The following CELF1 variants were observed in gnomAD, a reference collection of about 807,000 sequenced individuals.
The protein encoded by CELF1 is CUGBP Elav-like family member 1, also known as 50 kDa nuclear polyadenylated RNA-binding protein.
Under a neutral mutation model 61.8 loss-of-function variants are expected in CELF1, and 10 were observed. The ratio of observed to expected loss-of-function variants is 0.16; its 90% CI spans 0.10 to 0.27. The LOEUF (loss-of-function observed/expected upper bound fraction) is 0.27. Ranked by LOEUF, CELF1 falls within the 10% of genes least tolerant of loss-of-function variation. The pLI, the probability that CELF1 is intolerant of heterozygous loss-of-function variation, is 1.00. For synonymous variants in CELF1, 236 were observed against 225.1 expected (o/e 1.05, Z -0.43); for missense variants, 380 against 639.1 (o/e 0.59, Z 4.37).
rs1175028932 is a variant in CELF1, at chr11:47,470,368, C to T, written c.*1862G>A. On this transcript the variant is annotated 3_prime_UTR_variant, in exon 15 of 15. Coordinates refer to ENST00000687097, the MANE Select transcript of CELF1 (RefSeq NM_001376376.1). Reference sequence around the variant, plus strand: ...AAAATCCCATCATGACCCTGGAAGCCTTTAGAACAGTTTTATCCTTTGAAA... The same window carrying T: ...AAAATCCCATCATGACCCTGGAAGCTTTTAGAACAGTTTTATCCTTTGAAA... 1 of 151,350 alleles carries T rather than the reference C, an allele frequency of 6.6e-6. No individual in the cohort carries two copies. Among genetic ancestry groups the T allele is most frequent in the Admixed American group, 6.6e-5 (1 of 15,200 alleles). 9.4% of individuals were successfully genotyped at this position (151,350 alleles called of 1,614,324 possible). A position where few individuals can be genotyped will look rare whatever the true frequency, so the allele number is the denominator to read the frequency against.
intron 1 of CELF1, chr11:47,514,844 C>G (rs1455805735): frequency 6.6e-6 from 1 of 152,240 alleles, no homozygotes; most frequent in Non-Finnish European, 1.5e-5. Context: ...GCTGACAGAG[C>G]AAGACCTTGT....
In CELF1 at chr11:47,482,849, G is replaced by A; in HGVS notation, c.614C>T (p.Ser205Leu). 6.2e-7 allele frequency: 1 copy of A among 1,613,698 alleles called. No individual in the cohort carries two copies. The highest frequency in any genetic ancestry group is 8.5e-7 in the Non-Finnish European group (1 of 1,179,804). Residue 205 changes from serine to leucine, a missense_variant, in exon 9 of 15, where the codon TCA becomes TTA. Transcript: ENST00000687097. Reference sequence around the variant, plus strand: ...AGCAAATTTTACCACCATGGGTGATGAGCAACCCTGTGAAAAGACCATAAC... The same window carrying A: ...AGCAAATTTTACCACCATGGGTGATAAGCAACCCTGTGAAAAGACCATAAC... ...MHQAQTMEGC[S>L]SPMVVKFADT...
intron 1 of CELF1, among the ~76,000 whole-genome samples, chr11:47,547,625 C>T (rs1396507863): frequency 6.8e-6 from 1 of 146,074 alleles, no homozygotes; most frequent in African/African-American, 2.5e-5. Flanking sequence ...GCCGAGATCG[C>T]GCCACTGCAC....
intron 1 of CELF1, among the ~76,000 whole-genome samples, chr11:47,512,528 C>CAG (rs552283587): frequency 7.0e-4 from 102 of 146,178 alleles, no homozygotes; most frequent in African/African-American, 2.5e-3. Flanking sequence ...TTAGTAGAGA[C>CAG]AGAGTCTGGC....
At chr11:47,501,398 A>C (rs932391641) in intron 1 of CELF1, among the ~76,000 whole-genome samples, 2 of 152,208 alleles carry the variant, frequency 1.3e-5, no homozygotes, top group Non-Finnish European at 2.9e-5. Flanking sequence ...GTACATTGGA[A>C]CTGATGGCAT....
At chr11:47,473,674 G>A (rs2078695327) in intron 13 of CELF1, among the ~76,000 whole-genome samples, 1 of 152,200 alleles carries the variant, frequency 6.6e-6, no homozygotes, top group Non-Finnish European at 1.5e-5. Flanking sequence ...CTACAAAGGG[G>A]CACGAGGGAA....
chr11:47,499,819 T>G (rs1007255436), intron 2 of CELF1: 2 of 355,172 alleles, frequency 5.6e-6, no homozygotes, highest in African/African-American at 2.1e-5. Context: ...GAAGCAGTAC[T>G]AAGTGCACTG....
chr11:47,508,817 G>A (rs946075435), intron 1 of CELF1, among the ~76,000 whole-genome samples: 10 of 152,102 alleles, frequency 6.6e-5, no homozygotes, highest in Admixed American at 2.6e-4. Flanking sequence ...GTTGCCCAGG[G>A]TGGAGTGCAA....
chr11:47,557,237 G>T (rs372984998), upstream of CELF1, among the ~76,000 whole-genome samples: 843 of 142,160 alleles, frequency 5.9e-3, 9 homozygotes, highest in African/African-American at 0.02. Flanking sequence ...TTTTTTTTTT[G>T]AGGCAGAGTC....
At chr11:47,525,166 C>T (rs1290517601) in intron 1 of CELF1, among the ~76,000 whole-genome samples, 1 of 152,164 alleles carries the variant, frequency 6.6e-6, no homozygotes, top group Non-Finnish European at 1.5e-5. Flanking sequence ...GAATGAAGGT[C>T]TCATTCCAAC....
intron 1 of CELF1, among the ~76,000 whole-genome samples, chr11:47,517,262 A>G (rs1384364356): frequency 5.3e-5 from 5 of 93,560 alleles, no homozygotes; most frequent in East Asian, 3.9e-4. Context: ...CAAACAGAGA[A>G]AAAAAAAAAA....
rs1384691374 is a variant in CELF1 at position 47,468,069 on chromosome 11, AAAAC to A, written c.*4157_*4160del. On this transcript the variant is annotated 3_prime_UTR_variant, in exon 15 of 15. Coordinates refer to ENST00000687097, the MANE Select transcript of CELF1 (RefSeq NM_001376376.1). ...GGAAAAAATTCAAAACAAAAACACA[AAAAC>A]AATACAAAAACAAAAACAACAACAA... is the stretch of plus-strand genomic sequence containing the variant. 2.0e-5 allele frequency: 3 copies of A among 152,204 alleles called. No individual in the cohort carries two copies. The highest frequency in any genetic ancestry group is 4.4e-5 in the Non-Finnish European group (3 of 68,058). The allele number at this position is 152,204 out of a possible 1,614,324, so 9.4% of individuals were successfully genotyped here. A position where few individuals can be genotyped will look rare whatever the true frequency, so the allele number is the denominator to read the frequency against.
intron 1 of CELF1, among the ~76,000 whole-genome samples, chr11:47,508,370 G>A (rs1448182919): frequency 6.6e-6 from 1 of 152,008 alleles, no homozygotes; most frequent in Non-Finnish European, 1.5e-5. Context: ...CACCCTCTGA[G>A]ACGAGACTCA....
intron 1 of CELF1, among the ~76,000 whole-genome samples, chr11:47,510,449 A>G (rs1442179454): frequency 6.6e-6 from 1 of 152,196 alleles, no homozygotes. Context: ...TCAATAACAT[A>G]CATCAGTCCT....
At chr11:47,539,443 G>A (rs950773879) in intron 1 of CELF1, among the ~76,000 whole-genome samples, 1 of 152,106 alleles carries the variant, frequency 6.6e-6, no homozygotes, top group Non-Finnish European at 1.5e-5. Flanking sequence ...CCTGAGGTCG[G>A]GAGTTCGAGA....
intron 1 of CELF1, among the ~76,000 whole-genome samples, chr11:47,536,241 G>A (rs2096626746): frequency 6.6e-6 from 1 of 152,104 alleles, no homozygotes; most frequent in Non-Finnish European, 1.5e-5. Flanking sequence ...TGGTGCCAAC[G>A]GCCTGTAGTA....
intron 6 of CELF1, among the ~76,000 whole-genome samples, 155 bp from the exon 7 acceptor site, chr11:47,484,678 TC>T (rs2085530451): frequency 6.6e-6 from 1 of 152,222 alleles, no homozygotes; most frequent in South Asian, 2.1e-4. Context: ...TTTTCACATC[TC>T]TTTTTTTCTT....
At chr11:47,548,297 TCAAAA>T (rs2097033794) in intron 1 of CELF1, among the ~76,000 whole-genome samples, 1 of 151,244 alleles carries the variant, frequency 6.6e-6, no homozygotes, top group East Asian at 1.9e-4. Context: ...AGACTCCGTC[TCAAAA>T]AAAAAGGTTA....
At chr11:47,494,282 T>A in intron 3 of CELF1, 1 of 598,226 alleles carries the variant, frequency 1.7e-6, no homozygotes, top group Non-Finnish European at 2.1e-6. Flanking sequence ...ACCTACCCCC[T>A]CTCTTTTTAT....
Sources: gnomAD v4.1 joint callset for allele counts (sites outside exome capture counted in the v4.1 genomes callset) on GRCh38, gnomAD v4.1.1 for gene constraint, MANE v1.5 for transcripts, NCBI Gene and HGNC (gene_info 2026-07-23, HGNC 2026-07-21) for gene names.